The following CGB2 variants were observed in gnomAD, a reference collection of about 807,000 sequenced individuals.
CGB2 encodes the protein choriogonadotropin subunit beta variant 2.
A neutral mutation model predicts 7.1 loss-of-function variants in CGB2; 4 were observed. The observed-to-expected ratio is 0.57, with a 90% CI of 0.28 to 1.29. The LOEUF is 1.29. CGB2 is among the 50% of genes most tolerant of loss of function. The pLI, the probability that CGB2 is intolerant of heterozygous loss-of-function variation, is 0.10. For missense variants in CGB2, 88 were observed against 224.0 expected (o/e 0.39, Z 3.88); for synonymous variants, 51 against 100.3 (o/e 0.51, Z 2.94).
chr19:49,032,373 G>T, intron 1 of CGB2, 131 bp from the exon 2 acceptor site: 7 of 1,595,704 alleles, frequency 4.4e-6, no homozygotes, highest in Non-Finnish European at 5.1e-6. Context: ...AGGTGTCCGG[G>T]TGGTGGGTCC....
rs200622579 is a variant in CGB2 at position 49,032,620 on chromosome 19, C to G, written c.126C>G (p.Pro42=). The change falls in exon 2 of 3, where the codon CCC becomes CCG. Residue 42 remains proline, a synonymous_variant. Coordinates refer to ENST00000359342, the MANE Select transcript of CGB2 (RefSeq NM_033378.2). ...TGGCTGTGGAGAAGGAGGGCTGCCCCGTGTGCATCACCGTCAACACCACCA... is the reference window on the plus strand; with the variant it reads ...TGGCTGTGGAGAAGGAGGGCTGCCCGGTGTGCATCACCGTCAACACCACCA... The part of the protein sequence containing the change: ...ATLAVEKEGC[P]VCITVNTTIC... 1.4e-6 allele frequency: 2 copies of G among 1,410,130 alleles called. No homozygotes were observed. The highest frequency in any genetic ancestry group is 1.9e-6 in the Non-Finnish European group (2 of 1,052,544). 87.4% of individuals were successfully genotyped at this position (1,410,130 alleles called of 1,614,324 possible).
At position 49,031,906 on chromosome 19, in the gene CGB2, C is replaced by T. The variant is rs1227501415; in HGVS notation, c.-190C>T. ...CCAGTGAGGGCCCTGCGTTCCGTGG[C>T]GCCCCCTGGAGGGAGGAAGGGGAAC... is the stretch of plus-strand genomic sequence containing the variant. On this transcript the variant is annotated 5_prime_UTR_variant, in exon 1 of 3. Transcript: ENST00000359342. 5 of 712,824 alleles carry T rather than the reference C, an allele frequency of 7.0e-6. No homozygotes were observed. The highest frequency in any genetic ancestry group is 3.6e-5 in the African/African-American group (2 of 56,220). 44.2% of individuals were successfully genotyped at this position (712,824 alleles called of 1,614,324 possible).
intron 1 of CGB2, 159 bp from the exon 2 acceptor site, chr19:49,032,345 G>C: frequency 3.2e-6 from 5 of 1,582,144 alleles, no homozygotes; most frequent in Non-Finnish European, 4.3e-6. Context: ...CTGGGCTGTG[G>C]GGTGGGCTCT....
rs141047975 is a variant in CGB2 at position 49,031,976 on chromosome 19, G to C, written c.-120G>C. 4 of 1,395,648 alleles carry C rather than the reference G, an allele frequency of 2.9e-6. No homozygotes were observed. The highest frequency in any genetic ancestry group is 2.8e-5 in the African/African-American group (2 of 70,404). 86.5% of individuals were successfully genotyped at this position (1,395,648 alleles called of 1,614,324 possible). ...CCAATTGGGTCCGCTGACTCCGGCC[G>C]GGTTCCCGTGCCGCGTCCAACACCC... On this transcript the variant is annotated 5_prime_UTR_variant, in exon 1 of 3. Transcript: ENST00000359342.
In CGB2 at chr19:49,032,445, G is replaced by A. The variant is rs537632527; in HGVS notation, c.10-59G>A. The A allele has an allele frequency of 7.2e-5, 114 of 1,584,778 alleles. 1 individual carries two copies. The Middle Eastern group carries it at 3.2e-3, about 44-fold the overall frequency. Reference sequence around the variant, plus strand: ...GTGGGTGGTGTACCACGCGGGATGGGAAGGCCAGGACTCGGGGCTGCGGTC... The same window carrying A: ...GTGGGTGGTGTACCACGCGGGATGGAAAGGCCAGGACTCGGGGCTGCGGTC... On this transcript the variant is annotated intron_variant, in intron 1 of 2. Transcript: ENST00000359342.
intron 1 of CGB2, 153 bp from the exon 2 acceptor site, chr19:49,032,351 G>T: frequency 1.3e-6 from 2 of 1,583,414 alleles, no homozygotes; most frequent in Non-Finnish European, 1.7e-6. Flanking sequence ...TGTGGGGTGG[G>T]CTCTGAAAGG....
At position 49,033,121 on chromosome 19, in the gene CGB2, C is replaced by T. The variant is rs373937262; in HGVS notation, c.392C>T (p.Pro131Leu). 145 of 1,600,884 alleles carry T rather than the reference C, an allele frequency of 9.1e-5. No individual in the cohort carries two copies. The highest frequency in any genetic ancestry group is 1.4e-4 in the South Asian group (13 of 89,996). Residue 131 changes from proline (P) to leucine (L), a missense_variant, in exon 3 of 3, where the codon CCC becomes CTC. Physicochemically the swap from Pro to Leu is moderately conservative, Grantham distance 98. Around this residue, in one of 2 missense-constraint regions of CGB2, gnomAD observed 59 missense variants for 193.3 expected, o/e 0.31. Coordinates refer to ENST00000359342, the MANE Select transcript of CGB2 (RefSeq NM_033378.2). ...PKDHPLTCDD[P>L]RFQASSSSKA... Reference sequence around the variant, plus strand: ...GACCACCCCTTGACCTGTGATGACCCCCGCTTCCAGGCCTCCTCTTCCTCA... The same window carrying T: ...GACCACCCCTTGACCTGTGATGACCTCCGCTTCCAGGCCTCCTCTTCCTCA...
Position 49,032,012 on chromosome 19 carries a change from G to T in CGB2, c.-84G>T, listed in dbSNP as rs2039740251. 6.3e-7 allele frequency: 1 copy of T among 1,597,172 alleles called. No homozygotes were observed. The highest frequency in any genetic ancestry group is 8.6e-7 in the Non-Finnish European group (1 of 1,165,344). On this transcript the variant is annotated 5_prime_UTR_variant, in exon 1 of 3. Transcript: ENST00000359342. Reference sequence around the variant, plus strand: ...CCGCGTCCAACACCCCTCACTCCCTGTCTCACTCCCCCACGGAGACTCAAT... The same window carrying T: ...CCGCGTCCAACACCCCTCACTCCCTTTCTCACTCCCCCACGGAGACTCAAT...
intron 1 of CGB2, 134 bp from the exon 2 acceptor site, chr19:49,032,370 C>T (rs2039747914): frequency 3.8e-6 from 6 of 1,592,790 alleles, no homozygotes; most frequent in African/African-American, 1.3e-5. Context: ...GGCAGGTGTC[C>T]GGGTGGTGGG....
Position 49,032,345 on chromosome 19 carries a change from G to T in CGB2, c.10-159G>T, listed in dbSNP as rs919645386. 4 of 1,582,020 alleles carry T rather than the reference G, an allele frequency of 2.5e-6. No individual in the cohort carries two copies. The African/African-American group carries it at 4.0e-5, about 16-fold the overall frequency. ...GGTATCTGAGATCCTCTGGGCTGTG[G>T]GGTGGGCTCTGAAAGGCAGGTGTCC... On this transcript the variant is annotated intron_variant, in intron 1 of 2. Transcript: ENST00000359342.
Position 49,032,084 on chromosome 19 carries a change from T to A in CGB2, c.-12T>A. On this transcript the variant is annotated 5_prime_UTR_variant, in exon 1 of 3. Coordinates refer to ENST00000359342, the MANE Select transcript of CGB2 (RefSeq NM_033378.2). ...CCAGTGCTTGCGGAAGATATCCCGC[T>A]AAGAGAGAGACATGTCAAAGGTAGG... 6.2e-7 allele frequency: 1 copy of A among 1,613,924 alleles called. No homozygotes were observed. The highest frequency in any genetic ancestry group is 8.5e-7 in the Non-Finnish European group (1 of 1,179,818).
rs760721079 is a variant in CGB2 at position 49,032,105 on chromosome 19, G to C, written c.9+1G>C. The C allele has an allele frequency of 1.9e-6, 3 of 1,613,984 alleles. No homozygotes were observed. On this transcript the variant is annotated splice_donor_variant, in intron 1 of 2. Transcript: ENST00000359342. LOFTEE classifies it high-confidence loss of function. Reference sequence around the variant, plus strand: ...CCGCTAAGAGAGAGACATGTCAAAGGTAGGGTAGATCGACATTTCCAGGCA... The same window carrying C: ...CCGCTAAGAGAGAGACATGTCAAAGCTAGGGTAGATCGACATTTCCAGGCA...
chr19:49,032,276 C>T (rs1350302956), intron 1 of CGB2, 172 bp downstream of exon 1: 11 of 1,597,786 alleles, frequency 6.9e-6, no homozygotes, highest in Non-Finnish European at 8.5e-6. Context: ...CCCCAGTAAG[C>T]TTCAGGTGGG....
In CGB2 at chr19:49,032,028, G is replaced by T; in HGVS notation, c.-68G>T. The T allele has an allele frequency of 6.2e-7, 1 of 1,609,768 alleles. No homozygotes were observed. Among genetic ancestry groups the T allele is most frequent in the Admixed American group, 1.7e-5 (1 of 59,986 alleles). On this transcript the variant is annotated 5_prime_UTR_variant, in exon 1 of 3. Transcript: ENST00000359342. ...TCACTCCCTGTCTCACTCCCCCACGGAGACTCAATTTACTTTCCATGTCCA... is the reference window on the plus strand; with the variant it reads ...TCACTCCCTGTCTCACTCCCCCACGTAGACTCAATTTACTTTCCATGTCCA...
chr19:49,032,192 A>G, intron 1 of CGB2, 88 bp downstream of exon 1: 2 of 1,613,914 alleles, frequency 1.2e-6, no homozygotes, highest in South Asian at 1.1e-5. Flanking sequence ...ACCTGCTTCC[A>G]GGCCATCACT....
chr19:49,032,214 G>C, intron 1 of CGB2, 110 bp downstream of exon 1: 1 of 1,613,722 alleles, frequency 6.2e-7, no homozygotes, highest in Non-Finnish European at 8.5e-7. Context: ...GCATGAGAAG[G>C]GGCAGACCAG....
At chr19:49,032,379 G>T (rs1466121253) in intron 1 of CGB2, 125 bp from the exon 2 acceptor site, 5 of 1,597,724 alleles carry the variant, frequency 3.1e-6, no homozygotes, top group Non-Finnish European at 4.2e-6. Flanking sequence ...CCGGGTGGTG[G>T]GTCCTGAATA....
rs2039762547 is a variant in CGB2 at position 49,033,067 on chromosome 19, G to T, written c.338G>T (p.Arg113Leu). Residue 113 changes from arginine (R) to leucine (L), a missense_variant, in exon 3 of 3, where the codon CGC becomes CTC. Around this residue, in one of 2 missense-constraint regions of CGB2, gnomAD observed 59 missense variants for 193.3 expected, o/e 0.31. Transcript: ENST00000359342. ...AGCTGTCAATGTGCACTCTGCCGCC[G>T]CAGCACCACTGACTGCGGGGGTCCC... ...ALSCQCALCR[R>L]STTDCGGPKD... The T allele has an allele frequency of 6.3e-7, 1 of 1,593,170 alleles. No homozygotes were observed.
At chr19:49,032,395 T>C (rs902700125) in intron 1 of CGB2, 109 bp from the exon 2 acceptor site, 56 of 1,600,496 alleles carry the variant, frequency 3.5e-5, no homozygotes, top group Admixed American at 6.7e-5. Flanking sequence ...GAATAGGAGA[T>C]GCCACGAAGG....
Sources: allele counts gnomAD v4.1 joint callset, GRCh38; gene constraint gnomAD v4.1.1; regional missense constraint gnomAD v4.1.1; transcripts MANE v1.5; gene names NCBI Gene and HGNC (gene_info 2026-07-23, HGNC 2026-07-21).